EFHC2: variants seen among roughly 807,000 people sequenced by gnomAD.
EFHC2 encodes the protein EF-hand domain containing 2, also known as EF-hand domain-containing family member C2.
A neutral mutation model predicts 52.7 loss-of-function variants in EFHC2; 18 were observed. The ratio of observed to expected loss-of-function variants is 0.34; its 90% CI spans 0.24 to 0.51. The LOEUF is 0.51. Among genes scored for constraint, EFHC2 ranks in the 20% least tolerant of loss-of-function variants. EFHC2 has a pLI of 0.97. For synonymous variants in EFHC2, 203 were observed against 204.1 expected, an observed-to-expected ratio of 0.99 and a Z score of 0.04; for missense variants, 513 against 562.5, an observed-to-expected ratio of 0.91 and a Z score of 0.89.
chrX:44,297,802 C>G (rs1398150820), intron 2 of EFHC2, among the ~76,000 whole-genome samples: 1 of 104,036 alleles, frequency 9.6e-6, no homozygotes, highest in Non-Finnish European at 2.0e-5. Context: ...GAGAAGTCAG[C>G]AACTGCAAGG....
intron 11 of EFHC2, among the ~76,000 whole-genome samples, chrX:44,209,650 A>G (rs759149865): frequency 1.8e-5 from 2 of 109,231 alleles, no homozygotes; most frequent in East Asian, 5.8e-4. Flanking sequence ...ACTATAAAGT[A>G]GGGGTCCCCA....
At chrX:44,216,916 A>G (rs1443068211) in intron 11 of EFHC2, among the ~76,000 whole-genome samples, 1 of 111,596 alleles carries the variant, frequency 9.0e-6, no homozygotes, top group African/African-American at 3.3e-5. Context: ...GAAACAATCA[A>G]CAAAGTGAAG....
intron 1 of EFHC2, among the ~76,000 whole-genome samples, chrX:44,331,678 G>A (rs113064317): frequency 0.046 from 5,156 of 111,721 alleles, 306 homozygotes; most frequent in African/African-American, 0.16. Context: ...ACACTTCGGG[G>A]GGCCGAGGCA....
At chrX:44,301,669 C>T (rs1417277655) in intron 2 of EFHC2, among the ~76,000 whole-genome samples, 1 of 111,982 alleles carries the variant, frequency 8.9e-6, no homozygotes, top group Non-Finnish European at 1.9e-5. Context: ...ATCACTTCCC[C>T]CACAAAAGTC....
In EFHC2 at chrX:44,179,586, G is replaced by A. The variant is rs766789207; in HGVS notation, c.1752-1022C>T. ...AGCATTGATGTTGACCTATCTAAAG[G>A]AAATTCATTTAATCTACATCTACTT... On this transcript the variant is annotated intron_variant, in intron 11 of 14. Coordinates refer to ENST00000420999, the MANE Select transcript of EFHC2 (RefSeq NM_025184.4). 7.5e-4 allele frequency among the ~76,000 whole-genome samples: 84 copies of A among 111,947 alleles called. 1 individual carries two copies. The highest frequency in any genetic ancestry group is 1.3e-3 in the Non-Finnish European group (69 of 53,230).
At chrX:44,314,448 G>A (rs2037970673) in intron 1 of EFHC2, among the ~76,000 whole-genome samples, 1 of 112,293 alleles carries the variant, frequency 8.9e-6, no homozygotes, top group African/African-American at 3.2e-5. Flanking sequence ...CCCCAGGGGA[G>A]TCAGGGCCAT....
Position 44,250,219 on chromosome X carries a change from A to T in EFHC2, c.833T>A (p.Phe278Tyr), listed in dbSNP as rs1268383080. The T allele has an allele frequency of 8.3e-7, 1 of 1,211,145 alleles. No individual in the cohort carries two copies. Among genetic ancestry groups the T allele is most frequent in the Non-Finnish European group, 1.1e-6 (1 of 895,085 alleles). ...CTTGGGTAGCTTACTCCTCCGGAGG[A>T]ACATTTTTAGAGCATCTCGGCCTGA... is the stretch of plus-strand genomic sequence containing the variant. ...HSSGRDALKMFLRRSKLPKNC... is the reference protein window; with the variant it reads ...HSSGRDALKMYLRRSKLPKNC... The change falls in exon 5 of 15, where the codon TTC becomes TAC. Residue 278 changes from phenylalanine to tyrosine, a missense_variant. Transcript: ENST00000420999.
At chrX:44,247,424 T>A (rs939955645) in intron 7 of EFHC2, among the ~76,000 whole-genome samples, 1 of 111,234 alleles carries the variant, frequency 9.0e-6, no homozygotes, top group Non-Finnish European at 1.9e-5. Flanking sequence ...CTCGGGGAAG[T>A]GTGTTCATAT....
intron 11 of EFHC2, among the ~76,000 whole-genome samples, chrX:44,204,684 G>A (rs770396351): frequency 9.0e-6 from 1 of 111,600 alleles, no homozygotes; most frequent in East Asian, 2.8e-4. Flanking sequence ...ACAAAATAAG[G>A]AAAAATAATT....
At chrX:44,282,646 GTGGGGGGGT>G (rs2037713810) in intron 2 of EFHC2, among the ~76,000 whole-genome samples, 1 of 14,895 alleles carries the variant, frequency 6.7e-5, no homozygotes, top group Non-Finnish European at 1.2e-4. Flanking sequence ...GTGGGGGGGG[GTGGGGGGGT>G]GGGAGAGGAG....
chrX:44,163,932 T>C lies in EFHC2; in HGVS notation c.2138A>G (p.Tyr713Cys). The C allele has an allele frequency of 8.6e-7, 1 of 1,161,448 alleles. No individual in the cohort carries two copies. The highest frequency in any genetic ancestry group is 1.2e-6 in the Non-Finnish European group (1 of 866,439). Residue 713 changes from tyrosine (Y) to cysteine (C), a missense_variant, in exon 14 of 15, where the codon TAC becomes TGC. Transcript: ENST00000420999. ...AGGTATTCATTTTACCTCTTTAAGGTATGATGCTGGTTGCAATTCAGGCAC... is the reference window on the plus strand; with the variant it reads ...AGGTATTCATTTTACCTCTTTAAGGCATGATGCTGGTTGCAATTCAGGCAC... Reference protein sequence around the residue: ...NPVPELQPASYLKERCEDVWL... With the variant: ...NPVPELQPASCLKERCEDVWL...
At chrX:44,216,385 G>A (rs1285467803) in intron 11 of EFHC2, among the ~76,000 whole-genome samples, 1 of 111,899 alleles carries the variant, frequency 8.9e-6, no homozygotes, top group Non-Finnish European at 1.9e-5. Context: ...GTTTCTCCGT[G>A]TAGCCTGGGC....
At chrX:44,222,321 C>T (rs2037200314) in intron 11 of EFHC2, among the ~76,000 whole-genome samples, 1 of 111,488 alleles carries the variant, frequency 9.0e-6, no homozygotes, top group African/African-American at 3.3e-5. Context: ...GCCATTCACC[C>T]CCAAAAGATT....
chrX:44,328,286 G>A (rs146245796), intron 1 of EFHC2, among the ~76,000 whole-genome samples: 63 of 111,740 alleles, frequency 5.6e-4, no homozygotes, highest in Non-Finnish European at 1.0e-3. Context: ...TACAGGTCAC[G>A]TTCCCCTCAT....
intron 11 of EFHC2, 63 bp from the exon 12 acceptor site, chrX:44,178,627 C>T (rs1239379797): frequency 4.3e-6 from 4 of 935,629 alleles, no homozygotes; most frequent in Non-Finnish European, 5.8e-6. Context: ...TTTACATCTC[C>T]TTCTATTTAA....
intron 2 of EFHC2, among the ~76,000 whole-genome samples, chrX:44,277,151 C>T (rs966799541): frequency 9.5e-6 from 1 of 105,648 alleles, no homozygotes; most frequent in Non-Finnish European, 1.9e-5. Flanking sequence ...CCCAGCTACT[C>T]GGGAGGGTGA....
At position 44,232,489 on chromosome X, in the gene EFHC2, TA is replaced by T; in HGVS notation, c.1611del (p.Asn537LysfsTer17). On this transcript the variant is annotated frameshift_variant, in exon 10 of 15. Coordinates refer to ENST00000420999, the MANE Select transcript of EFHC2 (RefSeq NM_025184.4). LOFTEE classifies it high-confidence loss of function. ...ATACAAAGTAAATTCACCTTATCTG[TA>T]TTCTGCTCCATGTAGTTTAAGGTAT... ...DEYTLNYMEQ[N>X]TDKYPFSNLK... The T allele has an allele frequency of 1.8e-6, 2 of 1,106,782 alleles. No homozygotes were observed. The highest frequency in any genetic ancestry group is 1.2e-6 in the Non-Finnish European group (1 of 841,159). 91.2% of individuals were successfully genotyped at this position (1,106,782 alleles called of 1,213,427 possible).
At chrX:44,272,342 T>C (rs1199477920) in intron 3 of EFHC2, among the ~76,000 whole-genome samples, 1 of 111,974 alleles carries the variant, frequency 8.9e-6, no homozygotes, top group African/African-American at 3.2e-5. Flanking sequence ...TCTTCTCCCC[T>C]AATGGTGTTG....
At chrX:44,253,197 C>T (rs912149963) in intron 4 of EFHC2, among the ~76,000 whole-genome samples, 3 of 110,729 alleles carry the variant, frequency 2.7e-5, no homozygotes, top group African/African-American at 9.9e-5. Flanking sequence ...AAGCACAAAA[C>T]TGGGCAGCTG....
Sources: allele counts gnomAD v4.1 joint callset (sites outside exome capture counted in the v4.1 genomes callset), GRCh38; gene constraint gnomAD v4.1.1; transcripts MANE v1.5; gene names NCBI Gene and HGNC (gene_info 2026-07-23, HGNC 2026-07-21).